Variants in F5 observed in about 807,000 individuals in gnomAD.
F5 encodes activated protein c cofactor.
Under a neutral mutation model 216.4 loss-of-function variants are expected in F5, and 138 were observed. The ratio of observed to expected loss-of-function variants is 0.64; its 90% confidence interval spans 0.56 to 0.73. F5 has a LOEUF of 0.73. Among genes scored for constraint, F5 ranks in the 30% least tolerant of loss-of-function variants. The pLI, the probability that F5 is intolerant of heterozygous loss-of-function variation, is 0.00. For synonymous variants in F5, 916 were observed against 930.7 expected, an observed-to-expected ratio of 0.98 and a Z score of 0.29; for missense variants, 2,403 against 2,674.0, an observed-to-expected ratio of 0.90 and a Z score of 2.24.
intron 1 of F5, among the ~76,000 whole-genome samples, chr1:169,585,753 A>G (rs1661090832): frequency 6.6e-6 from 1 of 152,260 alleles, no homozygotes; most frequent in Non-Finnish European, 1.5e-5. Context: ...ATAAAATTAT[A>G]TGACAAAAAG....
intron 3 of F5, among the ~76,000 whole-genome samples, chr1:169,561,065 C>T (rs1455862618): frequency 1.3e-5 from 2 of 152,106 alleles, no homozygotes; most frequent in African/African-American, 4.8e-5. Context: ...AGAATTGAAT[C>T]GCCTTTGATT....
At chr1:169,528,671 G>A (rs570869223) in intron 16 of F5, among the ~76,000 whole-genome samples, 10 of 152,142 alleles carry the variant, frequency 6.6e-5, no homozygotes, top group African/African-American at 2.4e-4. Context: ...AGATAACTAG[G>A]GTTCTCAGGC....
chr1:169,525,251 C>T (rs1183325180), intron 18 of F5, among the ~76,000 whole-genome samples: 3 of 152,106 alleles, frequency 2.0e-5, no homozygotes, highest in South Asian at 2.1e-4. Context: ...AATCCTAGCA[C>T]TCTGGGAGGC....
At chr1:169,517,069 A>G (rs1384606591) in intron 23 of F5, among the ~76,000 whole-genome samples, 1 of 152,162 alleles carries the variant, frequency 6.6e-6, no homozygotes, top group African/African-American at 2.4e-5. Flanking sequence ...AAATTATATA[A>G]ATGTAATATA....
chr1:169,553,091 A>G (rs1408685620), intron 7 of F5, among the ~76,000 whole-genome samples: 1 of 152,216 alleles, frequency 6.6e-6, no homozygotes, highest in Non-Finnish European at 1.5e-5. Context: ...CACTTATTCT[A>G]TGATAGCCTT....
chr1:169,527,898 C>A lies in F5; in HGVS notation c.5599+17G>T. ...GTATTTCTTAGCAGGGACCTCTTCC[C>A]ATTACCCAATCTTTACCAGGCAGAA... On this transcript the variant is annotated intron_variant, in intron 17 of 24. Transcript: ENST00000367797. 5 of 1,612,730 alleles carry A rather than the reference C, an allele frequency of 3.1e-6. No homozygotes were observed. The highest frequency in any genetic ancestry group is 1.1e-5 in the South Asian group (1 of 91,008).
chr1:169,568,378 T>A (rs1660656291), intron 3 of F5, among the ~76,000 whole-genome samples: 1 of 152,104 alleles, frequency 6.6e-6, no homozygotes, highest in Admixed American at 6.6e-5. Context: ...TTTTATTCTT[T>A]TCACTTCAAA....
chr1:169,550,092 C>T (rs2101825399), intron 9 of F5, 77 bp from the exon 10 acceptor site: 1 of 1,185,126 alleles, frequency 8.4e-7, no homozygotes, highest in Admixed American at 1.7e-5. Context: ...TAAGCTTTCG[C>T]TGGAACCAAT....
Position 169,540,866 on chromosome 1 carries a change from C to A in F5, c.4224G>T (p.Gln1408His), listed in dbSNP as rs1378745140. ...SQIPLTPDLD[Q>H]MTLSPDLGET... is the part of the protein sequence containing the mutation. ...CACCAAGGTCTGGAGAAAGTGTCAT[C>A]TGGTCGAGGTCTGGGGTAAGGGGAA... is the stretch of plus-strand genomic sequence containing the variant. Residue 1408 changes from glutamine (Q) to histidine (H), a missense_variant, in exon 13 of 25, where the codon CAG (glutamine) becomes CAT (histidine). By Grantham distance (24) the Gln-to-His change is conservative. Transcript: ENST00000367797. 5 of 1,611,024 alleles carry A rather than the reference C, an allele frequency of 3.1e-6. No individual in the cohort carries two copies. In the South Asian group the frequency reaches 5.5e-5, roughly 18 times the overall value.
rs35355929 is a variant in F5, at chr1:169,554,054, A to AT, written c.1118+1127dup. On this transcript the variant is annotated intron_variant, in intron 7 of 24. Coordinates refer to ENST00000367797, the MANE Select transcript of F5 (RefSeq NM_000130.5). Reference sequence around the variant, plus strand: ...TCAACAATTCTATAATCTTGGCCAAATTTTTTTTGTTCTTTTTCCTAGTTT... The same window carrying AT: ...TCAACAATTCTATAATCTTGGCCAAATTTTTTTTTGTTCTTTTTCCTAGTTT... Among the ~76,000 whole-genome samples the AT allele has an allele frequency of 4.1e-3, 382 of 93,080 alleles. 6 individuals carry two copies. The highest frequency in any genetic ancestry group is 0.032 in the East Asian group (150 of 4,672). 61.1% of individuals were successfully genotyped at this position (93,080 alleles called of 152,430 possible).
chr1:169,547,499 A>C (rs1000959903), intron 10 of F5, among the ~76,000 whole-genome samples: 2 of 152,244 alleles, frequency 1.3e-5, no homozygotes, highest in African/African-American at 4.8e-5. Context: ...CAAGAAAAAA[A>C]CAAACAGCCC....
intron 2 of F5, 119 bp downstream of exon 2, chr1:169,582,312 A>G (rs923047685): frequency 2.0e-5 from 9 of 439,654 alleles, no homozygotes; most frequent in Non-Finnish European, 3.4e-5. Flanking sequence ...AGTACTTCTT[A>G]AAAAAAAAAC....
At chr1:169,578,332 C>CA (rs1349571315) in intron 2 of F5, among the ~76,000 whole-genome samples, 1 of 152,226 alleles carries the variant, frequency 6.6e-6, no homozygotes, top group Non-Finnish European at 1.5e-5. Flanking sequence ...CACCAACTGT[C>CA]AGAGTCTACC....
Position 169,550,698 on chromosome 1 carries a change from G to T in F5, c.1338C>A (p.Tyr446Ter). The stretch of plus-strand genomic sequence containing the variant: ...AAGGCGAGAAGGTCACTCCATGAGG[G>T]TAAATGCTATAGGGGCGGCTGGCCA... ...KNMASRPYSI[Y>*]PHGVTFSPYE... Residue 446 changes from tyrosine to a stop codon, truncating the protein, a stop_gained, in exon 9 of 25, where the codon TAC becomes TAA. Coordinates refer to ENST00000367797, the MANE Select transcript of F5 (RefSeq NM_000130.5). LOFTEE classifies it high-confidence loss of function. The T allele has an allele frequency of 1.9e-6, 3 of 1,614,036 alleles. No homozygotes were observed. The highest frequency in any genetic ancestry group is 2.5e-6 in the Non-Finnish European group (3 of 1,179,932).
intron 10 of F5, among the ~76,000 whole-genome samples, chr1:169,548,164 G>A (rs1660058641): frequency 6.6e-6 from 1 of 152,008 alleles, no homozygotes; most frequent in South Asian, 2.1e-4. Flanking sequence ...CACATAGAAG[G>A]GAACAATACA....
intron 22 of F5, 94 bp from the exon 23 acceptor site, chr1:169,518,657 A>G: frequency 1.5e-6 from 2 of 1,329,240 alleles, no homozygotes; most frequent in Non-Finnish European, 2.1e-6. Context: ...TATTACTACC[A>G]ACAAATGACA....
Position 169,582,425 on chromosome 1 carries a change from G to T in F5, c.250+6C>A. 1 of 1,461,622 alleles carries T rather than the reference G, an allele frequency of 6.8e-7. No homozygotes were observed. Among genetic ancestry groups the T allele is most frequent in the Non-Finnish European group, 9.5e-7 (1 of 1,049,964 alleles). The allele number at this position is 1,461,622 out of a possible 1,614,324, so 90.5% of individuals were successfully genotyped here. ...TTAAAATTAAAAAAGTATATTTCAG[G>T]CTTACCTGAAATGGTAGATTGTGGT... On this transcript the variant is annotated splice_donor_region_variant and intron_variant, in intron 2 of 24. Transcript: ENST00000367797.
Position 169,555,313 on chromosome 1 carries a change from G to A in F5, c.987C>T (p.Cys329=). 2.5e-6 allele frequency: 4 copies of A among 1,614,020 alleles called. No individual in the cohort carries two copies. The highest frequency in any genetic ancestry group is 3.4e-6 in the Non-Finnish European group (4 of 1,179,990). Residue 329 remains cysteine, a synonymous_variant, in exon 7 of 25, where the codon TGC becomes TGT. Coordinates refer to ENST00000367797, the MANE Select transcript of F5 (RefSeq NM_000130.5). ...TCTTAAGATTCCTGGTTTTCTTTGG[G>A]CAGTTTTTAATGTCAATGTAAGCCT... ...GMQAYIDIKN[C]PKKTRNLKKI... is the part of the protein sequence containing the mutation.
In F5 at chr1:169,514,433, T is replaced by G. The variant is rs762252844; in HGVS notation, c.6555A>C (p.Lys2185Asn). ...GGTTGAAAAAGTTCTTCACATGTCC[T>G]TTGGTATTAGTATTTCCTTCAAAAA... is the stretch of plus-strand genomic sequence containing the variant. The part of the protein sequence containing the change: ...DKIFEGNTNT[K>N]GHVKNFFNPP... The change falls in exon 25 of 25, where the codon AAA becomes AAC. Residue 2185 changes from lysine (K) to asparagine (N), a missense_variant. Around this residue, in one of 4 missense-constraint regions of F5, gnomAD observed 659 missense variants for 787.9 expected, o/e 0.84. Coordinates refer to ENST00000367797, the MANE Select transcript of F5 (RefSeq NM_000130.5). 1 of 1,613,148 alleles carries G rather than the reference T, an allele frequency of 6.2e-7. No individual in the cohort carries two copies. Among genetic ancestry groups the G allele is most frequent in the Non-Finnish European group, 8.5e-7 (1 of 1,179,446 alleles).
Sources: gnomAD v4.1 joint callset for allele counts (sites outside exome capture counted in the v4.1 genomes callset) on GRCh38, gnomAD v4.1.1 for gene constraint, gnomAD v4.1.1 regional missense constraint, MANE v1.5 for transcripts, NCBI Gene and HGNC (gene_info 2026-07-23, HGNC 2026-07-21) for gene names.